EHBP1: variants seen among roughly 807,000 people sequenced by gnomAD.
EHBP1 encodes the protein EH domain-binding protein 1.
Under a neutral mutation model 144.0 loss-of-function variants are expected in EHBP1, and 55 were observed. The observed-to-expected ratio is 0.38, with a 90% CI of 0.31 to 0.48. EHBP1 has a LOEUF of 0.48. EHBP1 is among the 20% of genes least tolerant of loss of function. The pLI is 0.98. For missense variants in EHBP1, 1,200 were observed against 1,364.2 expected, an observed-to-expected ratio of 0.88 and a Z score of 1.90; for synonymous variants, 469 against 472.7, an observed-to-expected ratio of 0.99 and a Z score of 0.10.
intron 13 of EHBP1, 140 bp downstream of exon 13, chr2:62,949,302 ATGTG>A: frequency 1.3e-6 from 1 of 748,516 alleles, no homozygotes; most frequent in Non-Finnish European, 2.0e-6. Context: ...GCATGTAGTA[ATGTG>A]TGCCTAAGTC....
At chr2:62,932,281 TAGC>T (rs1302496184) in intron 10 of EHBP1, among the ~76,000 whole-genome samples, 1 of 151,976 alleles carries the variant, frequency 6.6e-6, no homozygotes, top group Non-Finnish European at 1.5e-5. Context: ...CCCATGTTCA[TAGC>T]AGCAGTATAC....
intron 4 of EHBP1, 52 bp downstream of exon 4, chr2:62,764,413 A>G: frequency 1.5e-6 from 2 of 1,343,732 alleles, no homozygotes; most frequent in Non-Finnish European, 2.0e-6. Context: ...CAGGGTACCA[A>G]ATGACAGAAT....
intron 5 of EHBP1, among the ~76,000 whole-genome samples, chr2:62,801,604 G>A (rs571133660): frequency 6.6e-5 from 10 of 152,168 alleles, no homozygotes; most frequent in African/African-American, 2.4e-4. Context: ...AGCTAGATCT[G>A]GCTTTTAATT....
chr2:62,750,386 G>C (rs2039570479), intron 3 of EHBP1, among the ~76,000 whole-genome samples: 2 of 152,152 alleles, frequency 1.3e-5, no homozygotes, highest in African/African-American at 4.8e-5. Context: ...GGTTACTGTA[G>C]CCTTGTAGTA....
intron 10 of EHBP1, among the ~76,000 whole-genome samples, chr2:62,889,476 G>A (rs1227883254): frequency 6.6e-6 from 1 of 152,040 alleles, no homozygotes; most frequent in South Asian, 2.1e-4. Flanking sequence ...CTTGGTCCAT[G>A]CCTATTTCCT....
chr2:62,724,273 T>A (rs2036532526), intron 2 of EHBP1, among the ~76,000 whole-genome samples: 1 of 152,230 alleles, frequency 6.6e-6, no homozygotes, highest in South Asian at 2.1e-4. Context: ...TGCTGTTAGT[T>A]CTTGTGATTG....
intron 19 of EHBP1, among the ~76,000 whole-genome samples, chr2:63,026,803 G>A (rs2061002438): frequency 6.6e-6 from 1 of 152,192 alleles, no homozygotes; most frequent in Non-Finnish European, 1.5e-5. Flanking sequence ...AGGAAGAAAG[G>A]TTGACTCCTC....
chr2:62,985,804 A>T (rs2059162867), intron 15 of EHBP1, among the ~76,000 whole-genome samples: 1 of 152,224 alleles, frequency 6.6e-6, no homozygotes, highest in Non-Finnish European at 1.5e-5. Flanking sequence ...TGTCATTGGC[A>T]AAGAATAATC....
At chr2:62,770,599 C>CA (rs749258829) in intron 4 of EHBP1, among the ~76,000 whole-genome samples, 2 of 152,156 alleles carry the variant, frequency 1.3e-5, no homozygotes, top group Non-Finnish European at 2.9e-5. Context: ...AGCAGTATGG[C>CA]AATTCCTCAA....
At position 63,032,291 on chromosome 2, in the gene EHBP1, G is replaced by C. The variant is rs149063098; in HGVS notation, c.3104-5244G>C. On this transcript the variant is annotated intron_variant, in intron 19 of 22. Coordinates refer to ENST00000431489, the MANE Select transcript of EHBP1 (RefSeq NM_001142616.3). ...AAAAAAAAAAAGGTCAGTTCAGGCTGGGCGCGGTGCCTCACGCCTGTAATC... is the reference window on the plus strand; with the variant it reads ...AAAAAAAAAAAGGTCAGTTCAGGCTCGGCGCGGTGCCTCACGCCTGTAATC... 2.8e-3 allele frequency among the ~76,000 whole-genome samples: 421 copies of C among 151,256 alleles called. 3 individuals carry two copies. The highest frequency in any genetic ancestry group is 9.4e-3 in the African/African-American group (387 of 41,300).
chr2:62,748,808 T>C (rs1460993016), intron 3 of EHBP1, among the ~76,000 whole-genome samples: 1 of 152,186 alleles, frequency 6.6e-6, no homozygotes, highest in African/African-American at 2.4e-5. Context: ...TACAATTTTC[T>C]GTATTTAAAA....
rs535381616 is a variant in EHBP1, at chr2:62,922,207, A to T, written c.1186-20511A>T. On this transcript the variant is annotated intron_variant, in intron 10 of 22. Transcript: ENST00000431489. The stretch of plus-strand genomic sequence containing the variant: ...AAAAATCATAATGAAGAGAAAATAT[A>T]TTCAGTATTAAAGGTCTTTGTCCTT... Among the ~76,000 whole-genome samples, 20 of 152,274 alleles carry T rather than the reference A, an allele frequency of 1.3e-4. No homozygotes were observed. In the South Asian group the frequency reaches 4.1e-3, roughly 32 times the overall value.
intron 19 of EHBP1, among the ~76,000 whole-genome samples, chr2:63,012,180 T>A (rs2060294010): frequency 6.6e-6 from 1 of 151,912 alleles, no homozygotes; most frequent in East Asian, 1.9e-4. Context: ...ATATGAACAG[T>A]TAATATTGTA....
At chr2:62,753,504 G>A (rs1392817374) in intron 3 of EHBP1, among the ~76,000 whole-genome samples, 19 of 152,048 alleles carry the variant, frequency 1.2e-4, no homozygotes, top group Non-Finnish European at 1.5e-5. Context: ...CTTGAGGAGT[G>A]TCTTTGTGGC....
intron 15 of EHBP1, among the ~76,000 whole-genome samples, chr2:62,980,762 T>C (rs1330329233): frequency 6.6e-6 from 1 of 151,684 alleles, no homozygotes; most frequent in Non-Finnish European, 1.5e-5. Context: ...GAGGATCACT[T>C]GAACCCAGGA....
chr2:62,848,283 A>T (rs1279291100), intron 7 of EHBP1, among the ~76,000 whole-genome samples: 1 of 151,744 alleles, frequency 6.6e-6, no homozygotes, highest in African/African-American at 2.4e-5. Context: ...GGGTTTCACC[A>T]TGTTGGCCAG....
intron 19 of EHBP1, among the ~76,000 whole-genome samples, chr2:63,008,258 A>G (rs923848005): frequency 1.3e-5 from 2 of 151,718 alleles, no homozygotes; most frequent in Non-Finnish European, 3.0e-5. Context: ...GCTGGGGTGG[A>G]CTAGCAAGTG....
chr2:62,859,511 A>G (rs1019492574), intron 8 of EHBP1, among the ~76,000 whole-genome samples: 3 of 152,220 alleles, frequency 2.0e-5, no homozygotes, highest in African/African-American at 4.8e-5. Context: ...AAACATTTAC[A>G]TGGGGCTTTA....
At chr2:62,885,975 C>T (rs1240838536) in intron 10 of EHBP1, among the ~76,000 whole-genome samples, 1 of 152,174 alleles carries the variant, frequency 6.6e-6, no homozygotes, top group South Asian at 2.1e-4. Context: ...CTAAGCAAGA[C>T]TGAGGGTTTT....
Sources: gnomAD v4.1 joint callset for allele counts (sites outside exome capture counted in the v4.1 genomes callset) on GRCh38, gnomAD v4.1.1 for gene constraint, MANE v1.5 for transcripts, NCBI Gene and HGNC (gene_info 2026-07-23, HGNC 2026-07-21) for gene names.